Variants in PPHLN1 observed in about 807,000 individuals in gnomAD.
PPHLN1 encodes the protein periphilin-1.
A neutral mutation model predicts 51.3 loss-of-function variants in PPHLN1; 29 were observed. That is an observed-to-expected ratio of 0.57 (90% CI 0.42 to 0.77). PPHLN1 has a LOEUF of 0.77. Among genes scored for constraint, PPHLN1 ranks in the 30% least tolerant of loss-of-function variants. PPHLN1 has a pLI of 0.00. For missense variants in PPHLN1, 436 were observed against 438.4 expected, an observed-to-expected ratio of 0.99 and a Z score of 0.05; for synonymous variants, 147 against 147.8, an observed-to-expected ratio of 0.99 and a Z score of 0.04.
In PPHLN1 at chr12:42,441,573, G is replaced by A. The variant is rs2082969727; in HGVS notation, c.*64G>A. 33 of 1,421,574 alleles carry A rather than the reference G, an allele frequency of 2.3e-5. No individual in the cohort carries two copies. Among genetic ancestry groups the A allele is most frequent in the Non-Finnish European group, 3.0e-5 (33 of 1,088,338 alleles). The allele number at this position is 1,421,574 out of a possible 1,614,324, so 88.1% of individuals were successfully genotyped here. A position where few individuals can be genotyped will look rare whatever the true frequency, so the allele number is the denominator to read the frequency against. ...CTAAAAATTTTTTTTCCTGGATTGT[G>A]TAAATCCTTAATATATGGAATTTTT... On this transcript the variant is annotated 3_prime_UTR_variant, in exon 10 of 10. Transcript: ENST00000358314.
chr12:42,374,843 T>G lies in PPHLN1; in HGVS notation c.300-20T>G. 6 of 1,394,400 alleles carry G rather than the reference T, an allele frequency of 4.3e-6. No homozygotes were observed. Among genetic ancestry groups the G allele is most frequent in the Non-Finnish European group, 5.9e-6 (6 of 1,012,522 alleles). The allele number at this position is 1,394,400 out of a possible 1,614,324, so 86.4% of individuals were successfully genotyped here. On this transcript the variant is annotated intron_variant, in intron 4 of 9. Coordinates refer to ENST00000358314, the MANE Select transcript of PPHLN1 (RefSeq NM_201439.2). ...GATAGAGTATAATTAACTTATTTTATGTTTTTTTTTTTTTCAAAGGGACAT... is the reference window on the plus strand; with the variant it reads ...GATAGAGTATAATTAACTTATTTTAGGTTTTTTTTTTTTTCAAAGGGACAT...
At chr12:42,433,132 C>T (rs547453986) in intron 9 of PPHLN1, 82 of 773,870 alleles carry the variant, frequency 1.1e-4, no homozygotes, top group Middle Eastern at 4.6e-4. Flanking sequence ...TTGTAAGTAG[C>T]GTCACAAGCA....
rs2075827499 is a variant in PPHLN1 at position 42,371,805 on chromosome 12, A to G, written c.300-3058A>G. ...TTTTAATGCCAATTACATGTTGGTA[A>G]TACTTTGGATATATTGGGTTAAGTA... On this transcript the variant is annotated intron_variant, in intron 4 of 9. Coordinates refer to ENST00000358314, the MANE Select transcript of PPHLN1 (RefSeq NM_201439.2). Among the ~76,000 whole-genome samples the G allele has an allele frequency of 1.3e-5, 2 of 152,200 alleles. 1 individual carries two copies. The highest frequency in any genetic ancestry group is 4.1e-4 in the South Asian group (2 of 4,834).
At chr12:42,423,617 C>T (rs776239611) in intron 9 of PPHLN1, among the ~76,000 whole-genome samples, 1 of 151,988 alleles carries the variant, frequency 6.6e-6, no homozygotes, top group Non-Finnish European at 1.5e-5. Flanking sequence ...GTAGAAGTAG[C>T]AATAGCTATA....
chr12:42,434,939 C>T (rs1322416289), intron 9 of PPHLN1, among the ~76,000 whole-genome samples: 2 of 152,326 alleles, frequency 1.3e-5, no homozygotes, highest in Middle Eastern at 3.4e-3. Flanking sequence ...GCAATCTGCC[C>T]GCCCTGGCCT....
At position 42,441,311 on chromosome 12, in the gene PPHLN1, T is replaced by C; in HGVS notation, c.910-4T>C. The C allele has an allele frequency of 6.2e-7, 1 of 1,606,856 alleles. No individual in the cohort carries two copies. Among genetic ancestry groups the C allele is most frequent in the Non-Finnish European group, 8.5e-7 (1 of 1,175,630 alleles). On this transcript the variant is annotated splice_region_variant and splice_polypyrimidine_tract_variant and intron_variant, in intron 9 of 9. Coordinates refer to ENST00000358314, the MANE Select transcript of PPHLN1 (RefSeq NM_201439.2). ...AGCTAACCAGAATGTGTTTTACCTTTTAGGTTTACCGACAAGACTGTGAAA... is the reference window on the plus strand; with the variant it reads ...AGCTAACCAGAATGTGTTTTACCTTCTAGGTTTACCGACAAGACTGTGAAA...
chr12:42,392,798 T>C (rs1208716281), intron 7 of PPHLN1, among the ~76,000 whole-genome samples: 2 of 152,200 alleles, frequency 1.3e-5, no homozygotes, highest in Non-Finnish European at 2.9e-5. Flanking sequence ...TCAGTGAATA[T>C]GGAAAAGAAA....
intron 2 of PPHLN1, among the ~76,000 whole-genome samples, chr12:42,347,788 T>G (rs2072585945): frequency 6.6e-6 from 1 of 152,114 alleles, no homozygotes; most frequent in Admixed American, 6.5e-5. Context: ...TCAAAGAATT[T>G]GAAAGGGAAA....
intron 4 of PPHLN1, chr12:42,359,387 A>G (rs189995780): frequency 6.6e-6 from 1 of 152,372 alleles, no homozygotes; most frequent in Admixed American, 6.5e-5. Flanking sequence ...ACATTTTAAT[A>G]TGAATTATAC....
At chr12:42,400,467 CAA>C (rs34462402) in intron 9 of PPHLN1, 11 of 95,362 alleles carry the variant, frequency 1.2e-4, no homozygotes, top group Admixed American at 2.3e-4. Context: ...GACTCCGTCT[CAA>C]AAAAAAAAAA....
At chr12:42,423,803 A>G (rs1193356453) in intron 9 of PPHLN1, among the ~76,000 whole-genome samples, 2 of 151,986 alleles carry the variant, frequency 1.3e-5, no homozygotes, top group African/African-American at 2.4e-5. Flanking sequence ...CAGCTTCCCA[A>G]GTTGCTGGGA....
chr12:42,425,086 T>G (rs908486010), intron 9 of PPHLN1, among the ~76,000 whole-genome samples: 1 of 116,652 alleles, frequency 8.6e-6, no homozygotes. Flanking sequence ...ATGTATGTAC[T>G]TGTTTATTTT....
At chr12:42,442,764 G>A (rs371373705), downstream of PPHLN1, 2 of 1,611,908 alleles carry the variant, frequency 1.2e-6, no homozygotes, top group African/African-American at 2.7e-5. Flanking sequence ...TGCCCGCTCG[G>A]GATTTCCAAG....
chr12:42,364,085 A>G (rs947914365), intron 4 of PPHLN1, among the ~76,000 whole-genome samples: 1 of 152,088 alleles, frequency 6.6e-6, no homozygotes, highest in Non-Finnish European at 1.5e-5. Context: ...TTAGCCAGGC[A>G]TGGTGGCACG....
At chr12:42,332,461 C>A (rs1425626852) in intron 1 of PPHLN1, among the ~76,000 whole-genome samples, 1 of 152,154 alleles carries the variant, frequency 6.6e-6, no homozygotes, top group African/African-American at 2.4e-5. Flanking sequence ...GACTAGAATT[C>A]TGTTATTATA....
intron 9 of PPHLN1, among the ~76,000 whole-genome samples, chr12:42,410,517 T>G (rs1352049997): frequency 6.6e-6 from 1 of 152,202 alleles, no homozygotes; most frequent in Non-Finnish European, 1.5e-5. Flanking sequence ...TTTGCATCAT[T>G]TGGAATTCCT....
intron 9 of PPHLN1, among the ~76,000 whole-genome samples, chr12:42,438,718 C>T (rs1035998604): frequency 1.3e-5 from 2 of 152,198 alleles, no homozygotes; most frequent in Non-Finnish European, 2.9e-5. Flanking sequence ...TCTCCTGCCT[C>T]AGTCTCCCGA....
intron 4 of PPHLN1, among the ~76,000 whole-genome samples, chr12:42,363,097 G>A (rs2074879012): frequency 6.6e-6 from 1 of 152,146 alleles, no homozygotes; most frequent in Non-Finnish European, 1.5e-5. Context: ...CAATGCTTGT[G>A]TTGCTATGCT....
chr12:42,372,705 C>T (rs2075915446), intron 4 of PPHLN1, among the ~76,000 whole-genome samples: 1 of 152,112 alleles, frequency 6.6e-6, no homozygotes, highest in South Asian at 2.1e-4. Context: ...TGCCTATTTA[C>T]AGACAAATTT....
Sources: allele counts gnomAD v4.1 joint callset (sites outside exome capture counted in the v4.1 genomes callset), GRCh38; gene constraint gnomAD v4.1.1; transcripts MANE v1.5; gene names NCBI Gene and HGNC (gene_info 2026-07-23, HGNC 2026-07-21).